Variants in CNTNAP5 observed in about 807,000 individuals in gnomAD.
CNTNAP5 encodes contactin-associated protein-like 5.
In CNTNAP5, 72 loss-of-function variants were observed where a neutral mutation model predicts 150.2. The ratio of observed to expected loss-of-function variants is 0.48; its 90% CI spans 0.40 to 0.58. CNTNAP5 has a LOEUF of 0.58. Among genes scored for constraint, CNTNAP5 ranks in the 20% least tolerant of loss-of-function variants. CNTNAP5 has a pLI of 0.00. For missense variants in CNTNAP5, 1,636 were observed against 1,626.2 expected, an observed-to-expected ratio of 1.01 and a Z score of -0.10; for synonymous variants, 672 against 619.8, an observed-to-expected ratio of 1.08 and a Z score of -1.25.
At chr2:124,895,366 CTG>C (rs1208425237) in intron 21 of CNTNAP5, among the ~76,000 whole-genome samples, 9 of 151,578 alleles carry the variant, frequency 5.9e-5, no homozygotes, top group African/African-American at 2.2e-4. Flanking sequence ...TGGCTCACAT[CTG>C]TAATCCCAGC....
intron 3 of CNTNAP5, among the ~76,000 whole-genome samples, chr2:124,398,902 G>A (rs1691332838): frequency 6.6e-6 from 1 of 152,170 alleles, no homozygotes; most frequent in East Asian, 1.9e-4. Context: ...TGAAGATGAT[G>A]GTGATGATGG....
intron 1 of CNTNAP5, among the ~76,000 whole-genome samples, chr2:124,039,927 T>C (rs1681322014): frequency 6.6e-6 from 1 of 152,206 alleles, no homozygotes; most frequent in African/African-American, 2.4e-5. Context: ...GGTGGAATTG[T>C]ACATGTGCAT....
rs1447775039 is a variant in CNTNAP5, at chr2:124,713,221, TTCTTTCTTTCTTTCTTTCTTTC to T, written c.2078-33984_2078-33963del. On this transcript the variant is annotated intron_variant, in intron 13 of 23. Coordinates refer to ENST00000682447, the MANE Select transcript of CNTNAP5 (RefSeq NM_001367498.1). The stretch of plus-strand genomic sequence containing the variant: ...TCCCTCCCTTCCTTTCTTTCTCTGT[TTCTTTCTTTCTTTCTTTCTTTC>T]TCTTTCTTTCTTTCTTTCTTTCTTT... 7.7e-3 allele frequency among the ~76,000 whole-genome samples: 245 copies of T among 31,928 alleles called. 20 individuals carry two copies. The highest frequency in any genetic ancestry group is 0.017 in the African/African-American group (174 of 10,372). 20.9% of individuals were successfully genotyped at this position (31,928 alleles called of 152,430 possible).
At chr2:124,877,839 T>G (rs1677890812) in intron 21 of CNTNAP5, among the ~76,000 whole-genome samples, 1 of 152,156 alleles carries the variant, frequency 6.6e-6, no homozygotes. Context: ...ATCATAAAAC[T>G]AGTAGTTACT....
chr2:124,140,096 C>T (rs1471316809), intron 1 of CNTNAP5, among the ~76,000 whole-genome samples: 11 of 151,850 alleles, frequency 7.2e-5, no homozygotes, highest in African/African-American at 2.4e-4. Context: ...TAAAAAACGG[C>T]GCACCACGAG....
intron 1 of CNTNAP5, among the ~76,000 whole-genome samples, chr2:124,126,371 C>T (rs1324556509): frequency 6.6e-6 from 1 of 152,142 alleles, no homozygotes; most frequent in Non-Finnish European, 1.5e-5. Flanking sequence ...GAAGTTGAAT[C>T]TCTGAATAGA....
chr2:124,614,848 G>A (rs1475552483), intron 12 of CNTNAP5, among the ~76,000 whole-genome samples: 4 of 152,244 alleles, frequency 2.6e-5, no homozygotes, highest in Non-Finnish European at 5.9e-5. Flanking sequence ...ATGCAGCCCA[G>A]TAGGTCTCAG....
At chr2:124,362,791 C>G (rs1255619252) in intron 3 of CNTNAP5, among the ~76,000 whole-genome samples, 1 of 152,212 alleles carries the variant, frequency 6.6e-6, no homozygotes, top group Non-Finnish European at 1.5e-5. Context: ...GTACACCCAA[C>G]TGCTTAACAA....
intron 10 of CNTNAP5, among the ~76,000 whole-genome samples, chr2:124,546,487 A>G (rs1390568671): frequency 6.6e-6 from 1 of 152,176 alleles, no homozygotes; most frequent in African/African-American, 2.4e-5. Context: ...TTGTTTCCAC[A>G]AAACTACTCA....
chr2:124,664,172 A>G (rs1163912701), intron 13 of CNTNAP5, among the ~76,000 whole-genome samples: 1 of 152,080 alleles, frequency 6.6e-6, no homozygotes, highest in South Asian at 2.1e-4. Flanking sequence ...AGACACAAAA[A>G]GGTGACAGGG....
intron 1 of CNTNAP5, among the ~76,000 whole-genome samples, chr2:124,160,394 G>A (rs1377963880): frequency 1.3e-5 from 2 of 152,140 alleles, no homozygotes; most frequent in South Asian, 2.1e-4. Flanking sequence ...CTACAGTGGT[G>A]GAAAGAAATG....
At chr2:124,142,969 A>G (rs1299868791) in intron 1 of CNTNAP5, among the ~76,000 whole-genome samples, 2 of 108,590 alleles carry the variant, frequency 1.8e-5, no homozygotes, top group Admixed American at 1.0e-4. Flanking sequence ...ATCACCACCA[A>G]TCCCACAGAA....
intron 8 of CNTNAP5, 39 bp downstream of exon 8, chr2:124,504,595 T>C (rs374315475): frequency 6.9e-6 from 11 of 1,599,862 alleles, no homozygotes; most frequent in East Asian, 2.2e-5. Flanking sequence ...TTCTTGTTTA[T>C]CCAAGTCGAC....
At chr2:124,552,550 C>T (rs866340771) in intron 10 of CNTNAP5, among the ~76,000 whole-genome samples, 8 of 152,236 alleles carry the variant, frequency 5.3e-5, no homozygotes, top group Middle Eastern at 6.8e-3. Flanking sequence ...AGACCATTTC[C>T]TCCATCAGCT....
At chr2:124,321,423 A>G (rs1689095949) in intron 3 of CNTNAP5, among the ~76,000 whole-genome samples, 1 of 150,980 alleles carries the variant, frequency 6.6e-6, no homozygotes, top group African/African-American at 2.5e-5. Context: ...AGCCTGGGCA[A>G]CAAGAGCGAA....
chr2:124,794,716 G>A (rs899340857), intron 18 of CNTNAP5, among the ~76,000 whole-genome samples: 1 of 151,950 alleles, frequency 6.6e-6, no homozygotes, highest in Non-Finnish European at 1.5e-5. Context: ...CCATTCACCG[G>A]TTATCTAACT....
At chr2:124,781,427 T>G (rs960191027) in intron 17 of CNTNAP5, among the ~76,000 whole-genome samples, 3 of 152,174 alleles carry the variant, frequency 2.0e-5, no homozygotes, top group Non-Finnish European at 4.4e-5. Context: ...CTTTCTTATA[T>G]TGGTGAAATA....
At chr2:124,826,618 G>A (rs1416591244) in intron 19 of CNTNAP5, among the ~76,000 whole-genome samples, 1 of 152,108 alleles carries the variant, frequency 6.6e-6, no homozygotes, top group Non-Finnish European at 1.5e-5. Context: ...GGACTCATTA[G>A]AAATGCAAAT....
chr2:124,902,198 A>G (rs185915898), intron 21 of CNTNAP5, among the ~76,000 whole-genome samples: 1 of 152,296 alleles, frequency 6.6e-6, no homozygotes. Flanking sequence ...AAGACATTTG[A>G]TCTTGCTATG....
Sources: gnomAD v4.1 joint callset for allele counts (sites outside exome capture counted in the v4.1 genomes callset) on GRCh38, gnomAD v4.1.1 for gene constraint, MANE v1.5 for transcripts, NCBI Gene and HGNC (gene_info 2026-07-23, HGNC 2026-07-21) for gene names.